COG4: variants seen among roughly 807,000 people sequenced by gnomAD.
The protein encoded by COG4 is component of oligomeric golgi complex 4, also known as conserved oligomeric Golgi complex subunit 4.
COG4 carries 65 observed loss-of-function variants against 95.1 expected under a neutral mutation model. That is an observed-to-expected ratio of 0.68 (90% confidence interval 0.56 to 0.84). COG4 has a LOEUF of 0.84. Ranked by LOEUF, COG4 falls within the 40% of genes least tolerant of loss-of-function variation. COG4 has a pLI of 0.00. For synonymous variants in COG4, 421 were observed against 374.8 expected (o/e 1.12, Z -1.42); for missense variants, 1,045 against 989.1 (o/e 1.06, Z -0.76).
intron 1 of COG4, among the ~76,000 whole-genome samples, chr16:70,521,697 A>G (rs1476203383): frequency 1.4e-5 from 2 of 147,140 alleles, no homozygotes; most frequent in Admixed American, 1.3e-4. Flanking sequence ...TCAAGATACT[A>G]AATTTTTTTT....
At chr16:70,512,763 A>G (rs910105332) in intron 4 of COG4, among the ~76,000 whole-genome samples, 1 of 152,212 alleles carries the variant, frequency 6.6e-6, no homozygotes, top group Admixed American at 6.5e-5. Flanking sequence ...CTGAATCACA[A>G]GGTCAAGGGA....
intron 12 of COG4, among the ~76,000 whole-genome samples, chr16:70,492,461 C>A (rs1218074113): frequency 6.6e-6 from 1 of 151,938 alleles, no homozygotes; most frequent in Non-Finnish European, 1.5e-5. Context: ...GAGTTCGGGA[C>A]TAGCCTGACC....
intron 8 of COG4, among the ~76,000 whole-genome samples, chr16:70,502,968 A>C (rs910112361): frequency 1.3e-5 from 2 of 152,210 alleles, no homozygotes; most frequent in Non-Finnish European, 1.5e-5. Context: ...TCCACATGAA[A>C]AAGAATCAAG....
chr16:70,517,894 G>A (rs1426476021), intron 2 of COG4, among the ~76,000 whole-genome samples, 154 bp from the exon 3 acceptor site: 2 of 151,784 alleles, frequency 1.3e-5, no homozygotes, highest in African/African-American at 2.4e-5. Context: ...TCTCAAGAAC[G>A]TTTGACTGTA....
At chr16:70,488,829 G>A (rs2049187068) in intron 13 of COG4, among the ~76,000 whole-genome samples, 1 of 152,212 alleles carries the variant, frequency 6.6e-6, no homozygotes, top group South Asian at 2.1e-4. Flanking sequence ...GGGATTATAG[G>A]CATGAGCCAC....
chr16:70,507,167 G>T (rs981981220), intron 8 of COG4, among the ~76,000 whole-genome samples: 1 of 152,226 alleles, frequency 6.6e-6, no homozygotes, highest in African/African-American at 2.4e-5. Flanking sequence ...GAGCCCAGAA[G>T]GTCAAGGCTG....
intron 8 of COG4, among the ~76,000 whole-genome samples, chr16:70,506,407 A>C (rs2049567947): frequency 6.6e-6 from 1 of 150,642 alleles, no homozygotes; most frequent in Admixed American, 6.7e-5. Flanking sequence ...CGTCTAAATT[A>C]AAAAAAACCT....
At chr16:70,516,615 C>T (rs1449518513) in intron 3 of COG4, among the ~76,000 whole-genome samples, 1 of 151,962 alleles carries the variant, frequency 6.6e-6, no homozygotes, top group East Asian at 1.9e-4. Flanking sequence ...ACCTTTATGT[C>T]TATATTCATA....
chr16:70,489,156 C>G (rs2049193329), intron 13 of COG4, among the ~76,000 whole-genome samples: 1 of 152,160 alleles, frequency 6.6e-6, no homozygotes, highest in South Asian at 2.1e-4. Context: ...ATTAGGCAAA[C>G]CTTATCTTAA....
At position 70,508,481 on chromosome 16, in the gene COG4, G is replaced by A; in HGVS notation, c.1003-17C>T. The A allele has an allele frequency of 1.9e-6, 3 of 1,611,858 alleles. No homozygotes were observed. The highest frequency in any genetic ancestry group is 1.7e-6 in the Non-Finnish European group (2 of 1,178,026). ...ATGCCGGAACTGCAACATACCACAGGAATGAGAATATTCTTCCCCACCCCC... is the reference window on the plus strand; with the variant it reads ...ATGCCGGAACTGCAACATACCACAGAAATGAGAATATTCTTCCCCACCCCC... On this transcript the variant is annotated splice_polypyrimidine_tract_variant and intron_variant, in intron 7 of 18. Transcript: ENST00000323786.
At chr16:70,514,225 GA>G (rs1567394542) in intron 4 of COG4, 109 bp downstream of exon 4, 1 of 1,094,372 alleles carries the variant, frequency 9.1e-7, no homozygotes. Context: ...AGAAGAAAAA[GA>G]AAAAAGAAAA....
chr16:70,519,535 C>G (rs558205411), intron 2 of COG4, 114 bp downstream of exon 2: 6 of 750,972 alleles, frequency 8.0e-6, no homozygotes, highest in Non-Finnish European at 1.4e-5. Flanking sequence ...GAGATAATAC[C>G]CTTTACATTT....
intron 1 of COG4, among the ~76,000 whole-genome samples, chr16:70,521,977 A>G (rs530666988): frequency 2.2e-4 from 33 of 151,094 alleles, no homozygotes; most frequent in Admixed American, 1.2e-3. Context: ...CTGGGGTTAC[A>G]GGAGTGAGCC....
intron 3 of COG4, among the ~76,000 whole-genome samples, chr16:70,516,909 G>A (rs970971278): frequency 6.6e-6 from 1 of 152,100 alleles, no homozygotes; most frequent in African/African-American, 2.4e-5. Flanking sequence ...AATTACAGGT[G>A]TGCATTACCA....
intron 13 of COG4, among the ~76,000 whole-genome samples, chr16:70,487,276 AAAAAATAAAAAAAT>A (rs1164177911): frequency 2.2e-4 from 33 of 150,148 alleles, no homozygotes; most frequent in Middle Eastern, 3.4e-3. Flanking sequence ...AATCGGTCTC[AAAAAATAAAAAAAT>A]AAAAATAAAA....
In COG4 at chr16:70,480,877, C is replaced by T. The variant is rs765058793; in HGVS notation, c.*133G>A. The T allele has an allele frequency of 2.2e-4, 246 of 1,096,094 alleles. No individual in the cohort carries two copies. Among genetic ancestry groups the T allele is most frequent in the Non-Finnish European group, 3.0e-4 (218 of 736,100 alleles). 67.9% of individuals were successfully genotyped at this position (1,096,094 alleles called of 1,614,324 possible). On this transcript the variant is annotated 3_prime_UTR_variant, in exon 19 of 19. Coordinates refer to ENST00000323786, the MANE Select transcript of COG4 (RefSeq NM_015386.3). ...TGGAGTGGGTCCAGACTTTGTTTCT[C>T]TGCTGCCAGCCGTAGAAAGGTCTGG... is the stretch of plus-strand genomic sequence containing the variant.
intron 3 of COG4, 27 bp downstream of exon 3, chr16:70,517,587 CAAAAAAAAAAAA>C (rs746781437): frequency 5.9e-6 from 3 of 509,276 alleles, no homozygotes; most frequent in Non-Finnish European, 9.9e-6. Flanking sequence ...GACCCTGTCT[CAAAAAAAAAAAA>C]AAAAAAAAAA....
intron 3 of COG4, among the ~76,000 whole-genome samples, chr16:70,515,326 T>C (rs978046562): frequency 1.3e-5 from 2 of 152,076 alleles, no homozygotes; most frequent in Non-Finnish European, 2.9e-5. Context: ...CTGGCCTACT[T>C]CATTTTCTTA....
At chr16:70,515,754 G>A (rs1041221148) in intron 3 of COG4, 1 of 264,796 alleles carries the variant, frequency 3.8e-6, no homozygotes. Flanking sequence ...AGTAAGAGAA[G>A]ACACCCTTGT....
Sources: allele counts gnomAD v4.1 joint callset (sites outside exome capture counted in the v4.1 genomes callset), GRCh38; gene constraint gnomAD v4.1.1; transcripts MANE v1.5; gene names NCBI Gene and HGNC (gene_info 2026-07-23, HGNC 2026-07-21).